NRDC: variants seen among roughly 807,000 people sequenced by gnomAD.
NRDC encodes the protein nardilysin convertase, also known as nardilysin.
Under a neutral mutation model 147.1 loss-of-function variants are expected in NRDC, and 54 were observed. The observed-to-expected ratio is 0.37, with a 90% CI of 0.29 to 0.46. NRDC has a LOEUF of 0.46. NRDC is among the 20% of genes least tolerant of loss of function. The pLI is 1.00. For synonymous variants in NRDC, 440 were observed against 482.1 expected, an observed-to-expected ratio of 0.91 and a Z score of 1.14; for missense variants, 1,082 against 1,370.6, an observed-to-expected ratio of 0.79 and a Z score of 3.33.
intron 1 of NRDC, 117 bp from the exon 2 acceptor site, chr1:51,840,631 A>C (rs1681223545): frequency 7.3e-6 from 5 of 681,890 alleles, no homozygotes; most frequent in Non-Finnish European, 1.2e-5. Flanking sequence ...AAACACACAC[A>C]CACACAACTA....
chr1:51,868,361 T>C (rs982991742), intron 1 of NRDC, among the ~76,000 whole-genome samples: 1 of 151,720 alleles, frequency 6.6e-6, no homozygotes, highest in Non-Finnish European at 1.5e-5. Context: ...AAAGAAAACA[T>C]GTGCCAAGAA....
At chr1:51,853,189 G>T (rs529294941) in intron 1 of NRDC, among the ~76,000 whole-genome samples, 1 of 151,534 alleles carries the variant, frequency 6.6e-6, no homozygotes, top group Admixed American at 6.6e-5. Context: ...TGGCACTCCA[G>T]CCTGGGTGAC....
intron 4 of NRDC, among the ~76,000 whole-genome samples, chr1:51,832,866 C>G (rs1254078482): frequency 6.6e-6 from 1 of 152,094 alleles, no homozygotes; most frequent in Non-Finnish European, 1.5e-5. Context: ...TATTAGAAAA[C>G]TGGAAACAAC....
intron 1 of NRDC, chr1:51,878,036 T>G (rs1683419244): frequency 1.4e-6 from 2 of 1,385,060 alleles, no homozygotes; most frequent in East Asian, 5.4e-5. Context: ...GCGACTGTAT[T>G]CAAATGACTC....
intron 1 of NRDC, among the ~76,000 whole-genome samples, chr1:51,849,694 T>C (rs1681842163): frequency 6.7e-6 from 1 of 149,164 alleles, no homozygotes; most frequent in African/African-American, 2.5e-5. Flanking sequence ...CTGGCACCTG[T>C]AGTCCCAGCT....
Position 51,792,079 on chromosome 1 carries a change from C to T in NRDC, c.2843G>A (p.Cys948Tyr), listed in dbSNP as rs1241764047. 1.2e-6 allele frequency: 2 copies of T among 1,614,038 alleles called. No individual in the cohort carries two copies. The highest frequency in any genetic ancestry group is 1.7e-6 in the Non-Finnish European group (2 of 1,179,996). The change falls in exon 26 of 31, where the codon TGT becomes TAT. Residue 948 changes from cysteine (C) to tyrosine (Y), a missense_variant. Coordinates refer to ENST00000352171, the MANE Select transcript of NRDC (RefSeq NM_001101662.2). ...ELLVMHMEEPCFDFLRTKQTL... is the reference protein window; with the variant it reads ...ELLVMHMEEPYFDFLRTKQTL... ...CTGCTTGGTTCGAAGGAAGTCAAAACAAGGTTCTTCCATGTGCATCTGTAA... is the reference window on the plus strand; with the variant it reads ...CTGCTTGGTTCGAAGGAAGTCAAAATAAGGTTCTTCCATGTGCATCTGTAA...
intron 1 of NRDC, among the ~76,000 whole-genome samples, chr1:51,861,233 AG>A (rs1682517650): frequency 1.5e-5 from 2 of 137,060 alleles, no homozygotes; most frequent in African/African-American, 5.9e-5. Context: ...TACAGGCGTG[AG>A]CCACTGCACC....
At chr1:51,855,873 A>C (rs756975074) in intron 1 of NRDC, among the ~76,000 whole-genome samples, 30 of 150,986 alleles carry the variant, frequency 2.0e-4, no homozygotes, top group African/African-American at 2.9e-4. Context: ...ACTCTGTGTC[A>C]AAAAAAAATA....
intron 1 of NRDC, among the ~76,000 whole-genome samples, chr1:51,876,411 C>T (rs1478509556): frequency 6.6e-6 from 1 of 152,128 alleles, no homozygotes; most frequent in East Asian, 1.9e-4. Flanking sequence ...ATTTATGGTT[C>T]ATATATACCT....
At chr1:51,878,054 T>C (rs1683419853) in intron 1 of NRDC, 2 of 1,401,484 alleles carry the variant, frequency 1.4e-6, no homozygotes, top group African/African-American at 2.9e-5. Flanking sequence ...CTCGAAAAGC[T>C]TCTCCCATTC....
At chr1:51,834,518 G>A (rs1680856242) in intron 3 of NRDC, among the ~76,000 whole-genome samples, 1 of 151,894 alleles carries the variant, frequency 6.6e-6, no homozygotes, top group Non-Finnish European at 1.5e-5. Context: ...GTTTCACCAG[G>A]TTGCCCAGGC....
intron 4 of NRDC, among the ~76,000 whole-genome samples, chr1:51,832,755 A>G (rs998538659): frequency 1.5e-4 from 23 of 152,194 alleles, no homozygotes; most frequent in Admixed American, 1.5e-3. Context: ...AGAAAAAAAA[A>G]GTCTTAAAAA....
At chr1:51,790,082 T>C (rs1678523413) in intron 29 of NRDC, among the ~76,000 whole-genome samples, 1 of 152,208 alleles carries the variant, frequency 6.6e-6, no homozygotes, top group Non-Finnish European at 1.5e-5. Context: ...CCTATGGTAA[T>C]TCACCATGTA....
chr1:51,806,986 G>C (rs575946307), intron 17 of NRDC, 73 bp from the exon 18 acceptor site: 1 of 1,541,120 alleles, frequency 6.5e-7, no homozygotes, highest in African/African-American at 1.4e-5. Flanking sequence ...ATTGGCTTCA[G>C]AAGTCTAAGT....
At chr1:51,840,130 A>T in intron 2 of NRDC, 96 bp downstream of exon 2, 1 of 952,444 alleles carries the variant, frequency 1.0e-6, no homozygotes, top group East Asian at 2.4e-5. Context: ...CCAAAAGATA[A>T]CTATATACTT....
At chr1:51,848,880 T>C (rs1343376785) in intron 1 of NRDC, among the ~76,000 whole-genome samples, 3 of 152,160 alleles carry the variant, frequency 2.0e-5, no homozygotes, top group Non-Finnish European at 4.4e-5. Context: ...CCAACCTTAT[T>C]GTGGCTTAGC....
At chr1:51,846,113 ATAATT>A in intron 1 of NRDC, among the ~76,000 whole-genome samples, 1 of 149,830 alleles carries the variant, frequency 6.7e-6, no homozygotes, top group East Asian at 2.0e-4. Flanking sequence ...TTTACACTTT[ATAATT>A]TTTTTTTTTT....
chr1:51,854,888 G>A (rs959943145), intron 1 of NRDC, among the ~76,000 whole-genome samples: 4 of 152,172 alleles, frequency 2.6e-5, no homozygotes, highest in African/African-American at 4.8e-5. Context: ...AAAAGGATCT[G>A]CCAGCACAGC....
In NRDC at chr1:51,847,378, G is replaced by A. The variant is rs1245709025; in HGVS notation, c.342-6864C>T. 3.3e-5 allele frequency among the ~76,000 whole-genome samples: 5 copies of A among 152,320 alleles called. 1 individual carries two copies. Among genetic ancestry groups the A allele is most frequent in the Non-Finnish European group, 4.4e-5 (3 of 68,006 alleles). On this transcript the variant is annotated intron_variant, in intron 1 of 30. Transcript: ENST00000352171. ...CCTGCCAATCCCCTGCCTTGCGCCC[G>A]CACTCCTCAGCCCTTGGGCGATGGA...
Sources: allele counts gnomAD v4.1 joint callset (sites outside exome capture counted in the v4.1 genomes callset), GRCh38; gene constraint gnomAD v4.1.1; transcripts MANE v1.5; gene names NCBI Gene and HGNC (gene_info 2026-07-23, HGNC 2026-07-21).